WDR72: variants seen among roughly 807,000 people sequenced by gnomAD.
WDR72 encodes WD repeat domain 72.
In WDR72, 120 loss-of-function variants were observed where a neutral mutation model predicts 124.2. The observed-to-expected ratio is 0.97, with a 90% CI of 0.83 to 1.12. WDR72 has a LOEUF of 1.12. WDR72 is among the 50% of genes most tolerant of loss of function. The pLI, the probability that WDR72 is intolerant of heterozygous loss-of-function variation, is 0.00. For missense variants in WDR72, 1,387 were observed against 1,278.8 expected (o/e 1.08, Z -1.29); for synonymous variants, 452 against 441.7 (o/e 1.02, Z -0.29).
intron 18 of WDR72, among the ~76,000 whole-genome samples, chr15:53,576,566 T>C (rs2011627841): frequency 6.6e-6 from 1 of 152,062 alleles, no homozygotes; most frequent in Non-Finnish European, 1.5e-5. Flanking sequence ...GAAATTTAGA[T>C]TAAATAATTC....
intron 18 of WDR72, among the ~76,000 whole-genome samples, chr15:53,592,433 G>T (rs921069132): frequency 6.6e-6 from 1 of 152,076 alleles, no homozygotes; most frequent in African/African-American, 2.4e-5. Flanking sequence ...AAGAAAGCCT[G>T]CCCTGGGCCC....
Position 53,702,140 on chromosome 15 carries a change from C to G in WDR72, c.1563G>C (p.Lys521Asn). 6.2e-7 allele frequency: 1 copy of G among 1,611,668 alleles called. No individual in the cohort carries two copies. The highest frequency in any genetic ancestry group is 1.1e-5 in the South Asian group (1 of 90,596). ...PVTSLLMSPE[K>N]FKLRGEQIIC... Reference sequence around the variant, plus strand: ...ATTTTACTCTTCGTCTTACTTTAAACTTCTCTGGTGACATCAAAAGACTTG... The same window carrying G: ...ATTTTACTCTTCGTCTTACTTTAAAGTTCTCTGGTGACATCAAAAGACTTG... Residue 521 changes from lysine (K) to asparagine (N), a missense_variant, in exon 12 of 20, where the codon AAG becomes AAC. Physicochemically the swap from Lys to Asn is moderately conservative, Grantham distance 94. Transcript: ENST00000360509.
At chr15:53,647,704 T>C (rs527329402) in intron 14 of WDR72, among the ~76,000 whole-genome samples, 8 of 152,076 alleles carry the variant, frequency 5.3e-5, no homozygotes, top group Non-Finnish European at 8.8e-5. Context: ...GGTTGGTACA[T>C]TGAGTGAATA....
In WDR72 at chr15:53,517,729, T is replaced by TA; in HGVS notation, c.3278dup (p.Ala1094SerfsTer36). ...ACACCTTGCAGGGGCAGACCTTTGC[T>TA]ATCCATGAATGATGCCTTGGCTCAC... On this transcript the variant is annotated frameshift_variant, in exon 20 of 20. Coordinates refer to ENST00000360509, the MANE Select transcript of WDR72 (RefSeq NM_182758.4). LOFTEE classifies it high-confidence loss of function. 6.2e-7 allele frequency: 1 copy of TA among 1,613,016 alleles called. No homozygotes were observed. The highest frequency in any genetic ancestry group is 8.5e-7 in the Non-Finnish European group (1 of 1,179,252).
intron 18 of WDR72, among the ~76,000 whole-genome samples, chr15:53,559,122 T>A (rs1269350555): frequency 1.3e-5 from 2 of 151,952 alleles, no homozygotes; most frequent in African/African-American, 4.8e-5. Flanking sequence ...TATTTACTTA[T>A]AACTTGCTAA....
intron 18 of WDR72, among the ~76,000 whole-genome samples, chr15:53,589,425 C>T (rs1566972532): frequency 6.6e-6 from 1 of 151,936 alleles, no homozygotes; most frequent in African/African-American, 2.4e-5. Context: ...ATCTCACTTT[C>T]CATCCATTCA....
In WDR72 at chr15:53,615,868, G is replaced by A; in HGVS notation, c.2338C>T (p.Pro780Ser). Residue 780 changes from proline to serine, a missense_variant, in exon 15 of 20, where the codon CCT becomes TCT. Physicochemically the swap from Pro to Ser is moderately conservative, Grantham distance 74. Transcript: ENST00000360509. Reference sequence around the variant, plus strand: ...GCATCTACTTTTCTTGATGGCTTAGGCTGCATTTTTTTGGAGATCTTCATT... The same window carrying A: ...GCATCTACTTTTCTTGATGGCTTAGACTGCATTTTTTTGGAGATCTTCATT... ...KKMKISKKMQ[P>S]KPSRKVDASL... The A allele has an allele frequency of 6.2e-7, 1 of 1,613,530 alleles. No homozygotes were observed. The highest frequency in any genetic ancestry group is 1.3e-5 in the African/African-American group (1 of 74,964).
intron 18 of WDR72, among the ~76,000 whole-genome samples, chr15:53,539,666 T>C (rs1421833210): frequency 1.3e-5 from 2 of 151,138 alleles, no homozygotes; most frequent in Non-Finnish European, 3.0e-5. Context: ...AACTACCAAA[T>C]ACTCCCTCAA....
At chr15:53,530,270 G>T (rs1892377584) in intron 18 of WDR72, among the ~76,000 whole-genome samples, 1 of 151,474 alleles carries the variant, frequency 6.6e-6, no homozygotes, top group African/African-American at 2.4e-5. Context: ...AAGTTAATTG[G>T]TCATATCAGT....
chr15:53,521,134 A>G (rs892908729), intron 19 of WDR72, among the ~76,000 whole-genome samples: 1 of 152,102 alleles, frequency 6.6e-6, no homozygotes, highest in East Asian at 1.9e-4. Flanking sequence ...TTCACAGTGA[A>G]AGAAGACAAT....
chr15:53,613,611 T>C (rs1350773427), intron 16 of WDR72, 55 bp downstream of exon 16: 7 of 1,109,760 alleles, frequency 6.3e-6, no homozygotes, highest in Non-Finnish European at 9.5e-6. Flanking sequence ...AGACTAGTTA[T>C]GTCCTTTCAC....
chr15:53,707,419 G>C (rs2017411770), intron 9 of WDR72, among the ~76,000 whole-genome samples: 1 of 149,906 alleles, frequency 6.7e-6, no homozygotes, highest in African/African-American at 2.5e-5. Flanking sequence ...GAGCATCACA[G>C]AAAATGGTTC....
intron 2 of WDR72, among the ~76,000 whole-genome samples, chr15:53,726,264 G>GTGTATA (rs1555428779): frequency 1.5e-3 from 162 of 110,342 alleles, no homozygotes; most frequent in African/African-American, 6.1e-3. Context: ...ATGTATGTGT[G>GTGTATA]TATATATATA....
At chr15:53,676,095 C>T (rs2016162977) in intron 13 of WDR72, among the ~76,000 whole-genome samples, 1 of 152,142 alleles carries the variant, frequency 6.6e-6, no homozygotes, top group Non-Finnish European at 1.5e-5. Context: ...TACCATATTA[C>T]CACACCCAGT....
chr15:53,657,036 G>A (rs111370353), intron 14 of WDR72, among the ~76,000 whole-genome samples: 2 of 151,862 alleles, frequency 1.3e-5, no homozygotes, highest in Non-Finnish European at 2.9e-5. Flanking sequence ...AGGCCAAGGC[G>A]GGCAGATCAC....
chr15:53,519,247 A>G (rs189036761), intron 19 of WDR72, among the ~76,000 whole-genome samples: 369 of 152,224 alleles, frequency 2.4e-3, no homozygotes, highest in African/African-American at 8.4e-3. Flanking sequence ...AGAATGAAAA[A>G]CAAGCTTTAA....
chr15:53,700,303 G>A (rs2017132471), intron 12 of WDR72, among the ~76,000 whole-genome samples: 1 of 152,208 alleles, frequency 6.6e-6, no homozygotes, highest in African/African-American at 2.4e-5. Flanking sequence ...ACAAAAAGAA[G>A]CTATTTGTAG....
intron 14 of WDR72, among the ~76,000 whole-genome samples, chr15:53,650,104 A>G (rs1267503783): frequency 1.1e-5 from 1 of 88,252 alleles, no homozygotes; most frequent in African/African-American, 4.7e-5. Context: ...AATAACATTT[A>G]GCCTTTCAAG....
chr15:53,695,299 A>T (rs1360187535), intron 13 of WDR72, among the ~76,000 whole-genome samples: 5 of 152,256 alleles, frequency 3.3e-5, no homozygotes, highest in Non-Finnish European at 7.3e-5. Flanking sequence ...CTACTGTGAA[A>T]AGAGTAGTAC....
Sources: gnomAD v4.1 joint callset for allele counts (sites outside exome capture counted in the v4.1 genomes callset) on GRCh38, gnomAD v4.1.1 for gene constraint, MANE v1.5 for transcripts, NCBI Gene and HGNC (gene_info 2026-07-23, HGNC 2026-07-21) for gene names.